PXDNL: variants seen among roughly 807,000 people sequenced by gnomAD.
PXDNL encodes the protein probable oxidoreductase PXDNL.
Under a neutral mutation model 150.8 loss-of-function variants are expected in PXDNL, and 145 were observed. The ratio of observed to expected loss-of-function variants is 0.96; its 90% confidence interval spans 0.84 to 1.10. The LOEUF (loss-of-function observed/expected upper bound fraction) is 1.10, where lower values mean the gene tolerates loss of function less well. Among genes scored for constraint, PXDNL ranks in the 50% least tolerant of loss-of-function variants. The pLI is 0.00. For missense variants in PXDNL, 2,087 were observed against 1,873.9 expected (o/e 1.11, Z -2.10); for synonymous variants, 757 against 725.7 (o/e 1.04, Z -0.69).
At chr8:51,756,114 C>A (rs1266691891) in intron 1 of PXDNL, among the ~76,000 whole-genome samples, 1 of 152,036 alleles carries the variant, frequency 6.6e-6, no homozygotes, top group Non-Finnish European at 1.5e-5. Context: ...CTGAATTCAA[C>A]CGGGTGCAGT....
At chr8:51,532,860 T>C (rs914793879) in intron 4 of PXDNL, among the ~76,000 whole-genome samples, 1 of 152,202 alleles carries the variant, frequency 6.6e-6, no homozygotes, top group African/African-American at 2.4e-5. Flanking sequence ...TGAGGTACCA[T>C]ACTAACTCCC....
At chr8:51,486,772 ATATATATATATATATATATATATTTT>A (rs1810754038) in intron 5 of PXDNL, among the ~76,000 whole-genome samples, 1 of 8,000 alleles carries the variant, frequency 1.3e-4, no homozygotes. Flanking sequence ...ATATATATAT[ATATATATATATATATATATATATTTT>A]TTTTTTTTTT....
intron 9 of PXDNL, among the ~76,000 whole-genome samples, chr8:51,454,123 C>T (rs1809875468): frequency 6.6e-6 from 1 of 151,984 alleles, no homozygotes; most frequent in African/African-American, 2.4e-5. Context: ...TTTTTAAACA[C>T]AGTTTAGGCA....
At chr8:51,358,434 A>C (rs2976993) in intron 19 of PXDNL, among the ~76,000 whole-genome samples, 108,897 of 152,122 alleles carry the variant, frequency 0.72, 39,825 homozygotes, top group East Asian at 0.94. Flanking sequence ...TGGTTTTCTC[A>C]GACCTTGTGT....
chr8:51,743,338 C>T (rs1313192684), intron 1 of PXDNL, among the ~76,000 whole-genome samples: 1 of 152,122 alleles, frequency 6.6e-6, no homozygotes, highest in Non-Finnish European at 1.5e-5. Flanking sequence ...CTGCCTCAGC[C>T]TCCTGAGTAG....
chr8:51,524,021 T>TC (rs910397299), intron 4 of PXDNL, among the ~76,000 whole-genome samples: 3 of 152,204 alleles, frequency 2.0e-5, no homozygotes, highest in African/African-American at 4.8e-5. Flanking sequence ...AGCATGTAAC[T>TC]GGGGCCTCTG....
intron 22 of PXDNL, 114 bp from the exon 23 acceptor site, chr8:51,320,136 T>G (rs946034791): frequency 1.1e-6 from 1 of 949,498 alleles, no homozygotes; most frequent in Non-Finnish European, 1.4e-6. Flanking sequence ...CTCAATATAA[T>G]AAAAAATGCT....
chr8:51,521,829 T>A (rs188683335), intron 4 of PXDNL, among the ~76,000 whole-genome samples: 1 of 152,178 alleles, frequency 6.6e-6, no homozygotes, highest in Admixed American at 6.5e-5. Context: ...GAACTTCTCA[T>A]TAGAAACCAT....
chr8:51,584,527 C>G (rs1247359239), intron 3 of PXDNL, among the ~76,000 whole-genome samples: 3 of 152,168 alleles, frequency 2.0e-5, no homozygotes, highest in Non-Finnish European at 4.4e-5. Flanking sequence ...ATGTACATCT[C>G]TAATAACATA....
chr8:51,477,668 C>T (rs1448754288), intron 6 of PXDNL, among the ~76,000 whole-genome samples: 1 of 152,198 alleles, frequency 6.6e-6, no homozygotes, highest in East Asian at 1.9e-4. Context: ...ACTTCAGCAT[C>T]ACCATGACGT....
At chr8:51,475,702 G>A (rs1190337291) in intron 6 of PXDNL, among the ~76,000 whole-genome samples, 3 of 152,082 alleles carry the variant, frequency 2.0e-5, no homozygotes, top group East Asian at 3.9e-4. Flanking sequence ...TAATGCTGAG[G>A]TTTGCGGTCC....
At chr8:51,605,293 A>G (rs1026362000) in intron 2 of PXDNL, among the ~76,000 whole-genome samples, 3 of 152,248 alleles carry the variant, frequency 2.0e-5, no homozygotes, top group African/African-American at 7.2e-5. Context: ...GTAATTTTAA[A>G]GAATTGCTGA....
chr8:51,351,233 C>A (rs1473692013), intron 19 of PXDNL, among the ~76,000 whole-genome samples: 2 of 152,174 alleles, frequency 1.3e-5, no homozygotes, highest in Non-Finnish European at 1.5e-5. Flanking sequence ...AAATTCTAAT[C>A]CCCAGTAACT....
At chr8:51,708,675 G>A (rs993220533) in intron 1 of PXDNL, among the ~76,000 whole-genome samples, 2 of 152,124 alleles carry the variant, frequency 1.3e-5, no homozygotes, top group African/African-American at 2.4e-5. Flanking sequence ...CCTTGAAGAA[G>A]AGAACCGAAT....
At chr8:51,327,001 A>G (rs903456885) in intron 21 of PXDNL, among the ~76,000 whole-genome samples, 2 of 142,842 alleles carry the variant, frequency 1.4e-5, no homozygotes, top group African/African-American at 5.2e-5. Flanking sequence ...GTGAACAAAA[A>G]GACAGAGATC....
intron 2 of PXDNL, 79 bp downstream of exon 2, chr8:51,654,610 C>G: frequency 9.3e-7 from 1 of 1,078,542 alleles, no homozygotes. Flanking sequence ...TCTTGACACT[C>G]AGAATGACTT....
At chr8:51,497,523 G>T (rs1008495294) in intron 5 of PXDNL, among the ~76,000 whole-genome samples, 15 of 152,150 alleles carry the variant, frequency 9.9e-5, no homozygotes, top group African/African-American at 3.6e-4. Context: ...GAAAATTTTT[G>T]CAATCTACTC....
At position 51,447,225 on chromosome 8, in the gene PXDNL, G is replaced by A. The variant is rs542896827; in HGVS notation, c.1367-63C>T. 674 of 1,551,252 alleles carry A rather than the reference G, an allele frequency of 4.3e-4. 4 individuals are homozygous for A. Among genetic ancestry groups the A allele is most frequent in the South Asian group, 3.5e-3 (300 of 85,740 alleles). ...AGAGCACTGAAAGCCAGAGCTGCTG[G>A]CTGTCCTGGCTAAAGGGTGAGGCCT... On this transcript the variant is annotated intron_variant, in intron 11 of 22. Coordinates refer to ENST00000356297, the MANE Select transcript of PXDNL (RefSeq NM_144651.5).
chr8:51,666,808 G>A (rs1815397007), intron 1 of PXDNL, among the ~76,000 whole-genome samples: 3 of 152,174 alleles, frequency 2.0e-5, no homozygotes, highest in Non-Finnish European at 4.4e-5. Flanking sequence ...CCTCTTGCAT[G>A]CAGCTGTGGG....
Sources: allele counts gnomAD v4.1 joint callset (sites outside exome capture counted in the v4.1 genomes callset), GRCh38; gene constraint gnomAD v4.1.1; transcripts MANE v1.5; gene names NCBI Gene and HGNC (gene_info 2026-07-23, HGNC 2026-07-21).